The following TBC1D22A variants were observed in gnomAD, a reference collection of about 807,000 sequenced individuals.
TBC1D22A encodes putative GTPase activator.
A neutral mutation model predicts 60.2 loss-of-function variants in TBC1D22A; 38 were observed. The observed-to-expected ratio is 0.63, with a 90% CI of 0.49 to 0.83. The LOEUF is 0.83. Among genes scored for constraint, TBC1D22A ranks in the 40% least tolerant of loss-of-function variants. TBC1D22A has a pLI of 0.00. For missense variants in TBC1D22A, 628 were observed against 701.0 expected (o/e 0.90, Z 1.18); for synonymous variants, 302 against 281.7 (o/e 1.07, Z -0.72).
intron 4 of TBC1D22A, among the ~76,000 whole-genome samples, chr22:46,828,616 C>T (rs2086175307): frequency 6.6e-6 from 1 of 152,242 alleles, no homozygotes; most frequent in African/African-American, 2.4e-5. Context: ...AGTCTGCTTA[C>T]CTGAGCTTCT....
intron 11 of TBC1D22A, among the ~76,000 whole-genome samples, chr22:47,064,286 C>T (rs1453539429): frequency 2.0e-5 from 3 of 152,246 alleles, no homozygotes; most frequent in Non-Finnish European, 2.9e-5. Context: ...TCCCGGGCAG[C>T]GGTGCCGGGC....
At chr22:47,042,145 C>G (rs1406617939) in intron 11 of TBC1D22A, among the ~76,000 whole-genome samples, 1 of 151,500 alleles carries the variant, frequency 6.6e-6, no homozygotes, top group African/African-American at 2.4e-5. Flanking sequence ...ACTTCCCTTT[C>G]ATACTGTGTC....
At chr22:46,800,389 G>A (rs1448369913) in intron 4 of TBC1D22A, among the ~76,000 whole-genome samples, 4 of 152,070 alleles carry the variant, frequency 2.6e-5, no homozygotes, top group African/African-American at 7.2e-5. Context: ...CGGGAGTCTA[G>A]TCTTGTAGTT....
At chr22:46,991,705 C>G (rs560280828) in intron 9 of TBC1D22A, among the ~76,000 whole-genome samples, 11 of 152,194 alleles carry the variant, frequency 7.2e-5, no homozygotes, top group Non-Finnish European at 1.5e-4. Context: ...CAGTGGCCTC[C>G]ATTTGCATTT....
chr22:46,774,346 C>A, intron 1 of TBC1D22A: 1 of 792,194 alleles, frequency 1.3e-6, no homozygotes, highest in Non-Finnish European at 1.5e-6. Flanking sequence ...ATTTCTGGGC[C>A]CCGTGCTGTG....
intron 4 of TBC1D22A, among the ~76,000 whole-genome samples, chr22:46,856,812 C>CT (rs1014783041): frequency 1.3e-5 from 2 of 152,174 alleles, no homozygotes; most frequent in African/African-American, 4.8e-5. Flanking sequence ...ACATTTAGAT[C>CT]TTTTTTTGAT....
intron 11 of TBC1D22A, among the ~76,000 whole-genome samples, chr22:47,066,128 G>A (rs5769348): frequency 0.29 from 43,968 of 152,166 alleles, 6,827 homozygotes; most frequent in East Asian, 0.57. Flanking sequence ...CATGCCAACA[G>A]CATTTTGGGA....
At chr22:46,851,509 C>T (rs927815249) in intron 4 of TBC1D22A, among the ~76,000 whole-genome samples, 13 of 152,228 alleles carry the variant, frequency 8.5e-5, no homozygotes, top group East Asian at 7.7e-4. Flanking sequence ...AGGAGGCCCT[C>T]GATGGTTTGA....
chr22:47,004,472 A>G (rs947817420), intron 10 of TBC1D22A, among the ~76,000 whole-genome samples: 5 of 148,670 alleles, frequency 3.4e-5, no homozygotes, highest in Non-Finnish European at 6.0e-5. Context: ...CCATATACAC[A>G]TACACACCCT....
At position 46,996,845 on chromosome 22, in the gene TBC1D22A, C is replaced by A. The variant is rs185114632; in HGVS notation, c.1126-789C>A. On this transcript the variant is annotated intron_variant, in intron 9 of 12. Transcript: ENST00000337137. ...AGGAGTAATGGACCTGTCACTGCCC[C>A]GGTACCTGCTGTGTCTTGAAATCTC... Among the ~76,000 whole-genome samples, 4 of 152,282 alleles carry A rather than the reference C, an allele frequency of 2.6e-5. No individual in the cohort carries two copies. In the East Asian group the frequency reaches 7.7e-4, roughly 29 times the overall value.
chr22:46,812,680 G>A lies in TBC1D22A; in HGVS notation c.637+15060G>A, dbSNP rs536678071. On this transcript the variant is annotated intron_variant, in intron 4 of 12. Coordinates refer to ENST00000337137, the MANE Select transcript of TBC1D22A (RefSeq NM_014346.5). Reference sequence around the variant, plus strand: ...TGGCAGAAGGCTCACTGTGTTTAGCGAAAATGGATTTTAGTTGAAGATGCA... The same window carrying A: ...TGGCAGAAGGCTCACTGTGTTTAGCAAAAATGGATTTTAGTTGAAGATGCA... 8.5e-5 allele frequency among the ~76,000 whole-genome samples: 13 copies of A among 152,314 alleles called. No individual in the cohort carries two copies. The East Asian group carries it at 1.9e-3, about 23-fold the overall frequency.
chr22:47,100,827 C>T (rs139379636), intron 11 of TBC1D22A, among the ~76,000 whole-genome samples: 184 of 152,302 alleles, frequency 1.2e-3, no homozygotes, highest in African/African-American at 4.1e-3. Context: ...GTGGGCCCCT[C>T]CTCCCCTTCC....
rs181578826 is a variant in TBC1D22A at position 46,829,297 on chromosome 22, G to T, written c.637+31677G>T. 8.5e-5 allele frequency among the ~76,000 whole-genome samples: 13 copies of T among 152,288 alleles called. 1 individual carries two copies. The highest frequency in any genetic ancestry group is 6.5e-4 in the Admixed American group (10 of 15,300). ...TTCATCTTCAGGTTCCGTGGTTCAGGGCACATATTACGTAGGTACCTGGTG... is the reference window on the plus strand; with the variant it reads ...TTCATCTTCAGGTTCCGTGGTTCAGTGCACATATTACGTAGGTACCTGGTG... On this transcript the variant is annotated intron_variant, in intron 4 of 12. Transcript: ENST00000337137.
At chr22:46,997,961 C>G (rs548936916) in intron 10 of TBC1D22A, among the ~76,000 whole-genome samples, 1 of 152,248 alleles carries the variant, frequency 6.6e-6, no homozygotes, top group African/African-American at 2.4e-5. Context: ...AGGCAGTGCT[C>G]ACTCCTTATT....
intron 12 of TBC1D22A, among the ~76,000 whole-genome samples, chr22:47,144,062 C>T (rs1466846971): frequency 1.3e-5 from 2 of 152,194 alleles, no homozygotes; most frequent in African/African-American, 4.8e-5. Flanking sequence ...AGCCCGATGT[C>T]CCTAGACGGT....
intron 8 of TBC1D22A, among the ~76,000 whole-genome samples, chr22:46,933,179 G>A (rs933813025): frequency 6.6e-6 from 1 of 152,148 alleles, no homozygotes; most frequent in African/African-American, 2.4e-5. Flanking sequence ...TGAGCTGTTA[G>A]GATCCATCAG....
intron 10 of TBC1D22A, among the ~76,000 whole-genome samples, chr22:47,001,733 T>A (rs1412109966): frequency 6.6e-6 from 1 of 152,228 alleles, no homozygotes; most frequent in Non-Finnish European, 1.5e-5. Flanking sequence ...TCTTTTGGAA[T>A]ATTTTAAGGG....
Position 47,028,083 on chromosome 22 carries a change from G to C in TBC1D22A, c.1202-8988G>C, listed in dbSNP as rs1391207243. Reference sequence around the variant, plus strand: ...TTTGGAGGGGTGTGCTGAGTAGCTCGTGTGCACGTCTGTGAGGTGAAAATG... The same window carrying C: ...TTTGGAGGGGTGTGCTGAGTAGCTCCTGTGCACGTCTGTGAGGTGAAAATG... On this transcript the variant is annotated intron_variant, in intron 10 of 12. Coordinates refer to ENST00000337137, the MANE Select transcript of TBC1D22A (RefSeq NM_014346.5). This position sits in a 1 kb window ranked among gnomAD's most constrained non-coding sequence, Gnocchi z 4.4. 1.3e-5 allele frequency among the ~76,000 whole-genome samples: 2 copies of C among 152,156 alleles called. No individual in the cohort carries two copies. Among genetic ancestry groups the C allele is most frequent in the South Asian group, 4.1e-4 (2 of 4,826 alleles).
chr22:46,968,810 C>T lies in TBC1D22A; in HGVS notation c.1016-5480C>T, dbSNP rs183204911. On this transcript the variant is annotated intron_variant, in intron 8 of 12. Coordinates refer to ENST00000337137, the MANE Select transcript of TBC1D22A (RefSeq NM_014346.5). ...TCTTTGTTTCCCTAAAACAGCTTTT[C>T]GCATATTGCAGAGTAGCAATTATGT... is the stretch of plus-strand genomic sequence containing the variant. Among the ~76,000 whole-genome samples, 647 of 152,304 alleles carry T rather than the reference C, an allele frequency of 4.2e-3. 11 individuals carry two copies. The highest frequency in any genetic ancestry group is 0.015 in the African/African-American group (613 of 41,574).
Sources: gnomAD v4.1 joint callset for allele counts (sites outside exome capture counted in the v4.1 genomes callset) on GRCh38, gnomAD v4.1.1 for gene constraint, Gnocchi (gnomAD v3.1) non-coding constraint, MANE v1.5 for transcripts, NCBI Gene and HGNC (gene_info 2026-07-23, HGNC 2026-07-21) for gene names.